The following UNC5D variants were observed in gnomAD, a reference collection of about 807,000 sequenced individuals.
UNC5D encodes the protein netrin receptor UNC5D.
In UNC5D, 39 loss-of-function variants were observed where a neutral mutation model predicts 105.4. The ratio of observed to expected loss-of-function variants is 0.37; its 90% CI spans 0.29 to 0.48. The LOEUF (loss-of-function observed/expected upper bound fraction) is 0.48, where lower values mean the gene tolerates loss of function less well. Among genes scored for constraint, UNC5D ranks in the 20% least tolerant of loss-of-function variants. The probability of loss-of-function intolerance (pLI) is 0.98; values close to 1 mark genes in which losing one functional copy is unlikely to be tolerated. For synonymous variants in UNC5D, 452 were observed against 450.4 expected (o/e 1.00, Z -0.04); for missense variants, 991 against 1,202.4 (o/e 0.82, Z 2.60).
chr8:35,538,293 C>G (rs1814982788), intron 1 of UNC5D, among the ~76,000 whole-genome samples: 1 of 150,282 alleles, frequency 6.7e-6, no homozygotes, highest in African/African-American at 2.4e-5. Context: ...GTGGCAGTCC[C>G]TATAGCTTCT....
At chr8:35,482,156 A>AG (rs1164910601) in intron 1 of UNC5D, among the ~76,000 whole-genome samples, 1 of 152,230 alleles carries the variant, frequency 6.6e-6, no homozygotes, top group African/African-American at 2.4e-5. Context: ...TCTATGGATC[A>AG]GAAGTAATCC....
chr8:35,772,343 A>G (rs1802046081), intron 15 of UNC5D, among the ~76,000 whole-genome samples: 3 of 152,188 alleles, frequency 2.0e-5, no homozygotes, highest in Admixed American at 1.3e-4. Flanking sequence ...ATCATTATCA[A>G]TCATTAATGA....
At chr8:35,375,986 G>A (rs890662957) in intron 1 of UNC5D, among the ~76,000 whole-genome samples, 5 of 152,032 alleles carry the variant, frequency 3.3e-5, no homozygotes, top group African/African-American at 9.7e-5. Flanking sequence ...GTTTCCAGAC[G>A]TTGATTTGGT....
chr8:35,571,814 G>A (rs1817742461), intron 3 of UNC5D, among the ~76,000 whole-genome samples: 1 of 152,150 alleles, frequency 6.6e-6, no homozygotes, highest in African/African-American at 2.4e-5. Flanking sequence ...ACATCTTAAT[G>A]TGCTAAATGA....
In UNC5D at chr8:35,293,210, A is replaced by C. The variant is rs185548500; in HGVS notation, c.103+57323A>C. 3.5e-4 allele frequency among the ~76,000 whole-genome samples: 54 copies of C among 152,276 alleles called. No homozygotes were observed. The East Asian group carries it at 0.01, about 29-fold the overall frequency. On this transcript the variant is annotated intron_variant, in intron 1 of 16. Transcript: ENST00000404895. The stretch of plus-strand genomic sequence containing the variant: ...AGGTAGTGGAAGTAGAAGGGGAGGC[A>C]GGAGAGGCAGGCACATTTGATGTAG...
chr8:35,722,042 A>G (rs913024766), intron 8 of UNC5D, among the ~76,000 whole-genome samples, 168 bp from the exon 9 acceptor site: 1 of 152,244 alleles, frequency 6.6e-6, no homozygotes, highest in African/African-American at 2.4e-5. Context: ...GGCATTTTAG[A>G]AACACGATTA....
chr8:35,671,252 G>A (rs1563651427), intron 4 of UNC5D, among the ~76,000 whole-genome samples: 1 of 152,118 alleles, frequency 6.6e-6, no homozygotes, highest in Non-Finnish European at 1.5e-5. Flanking sequence ...TAATATAAAT[G>A]TATAATCTCA....
At chr8:35,439,539 A>G (rs1057322136) in intron 1 of UNC5D, among the ~76,000 whole-genome samples, 3 of 152,080 alleles carry the variant, frequency 2.0e-5, no homozygotes, top group Admixed American at 2.0e-4. Flanking sequence ...TGTTTGTGAC[A>G]TCGTGAATTC....
intron 1 of UNC5D, among the ~76,000 whole-genome samples, chr8:35,466,975 T>A (rs537464649): frequency 7.8e-4 from 119 of 152,290 alleles, no homozygotes; most frequent in Middle Eastern, 3.4e-3. Context: ...CAACTTAATT[T>A]TACTTTTTCT....
At chr8:35,399,851 G>A (rs1251770769) in intron 1 of UNC5D, among the ~76,000 whole-genome samples, 2 of 152,088 alleles carry the variant, frequency 1.3e-5, no homozygotes, top group East Asian at 3.9e-4. Flanking sequence ...TGAAGCCCCT[G>A]TGGCCAAGTA....
At chr8:35,644,918 TATTG>T (rs1391066215) in intron 4 of UNC5D, among the ~76,000 whole-genome samples, 1 of 152,144 alleles carries the variant, frequency 6.6e-6, no homozygotes, top group Non-Finnish European at 1.5e-5. Context: ...AGAATTCTGA[TATTG>T]ATTCTTTTAT....
intron 1 of UNC5D, among the ~76,000 whole-genome samples, chr8:35,266,427 T>C (rs940684198): frequency 6.6e-5 from 10 of 152,206 alleles, no homozygotes; most frequent in African/African-American, 2.4e-4. Flanking sequence ...TAGAACAAAC[T>C]AGTCATGGGA....
chr8:35,246,155 A>G (rs920849931), intron 1 of UNC5D, among the ~76,000 whole-genome samples: 8 of 152,108 alleles, frequency 5.3e-5, no homozygotes, highest in African/African-American at 1.7e-4. Flanking sequence ...GCAGTGACTA[A>G]ATTGTCATTA....
At chr8:35,538,725 G>C (rs1815052340) in intron 1 of UNC5D, among the ~76,000 whole-genome samples, 1 of 151,878 alleles carries the variant, frequency 6.6e-6, no homozygotes, top group Admixed American at 6.6e-5. Flanking sequence ...ATTCGATATA[G>C]GGGCTGAATG....
chr8:35,262,238 C>T (rs1220332179), intron 1 of UNC5D, among the ~76,000 whole-genome samples: 1 of 152,176 alleles, frequency 6.6e-6, no homozygotes, highest in Non-Finnish European at 1.5e-5. Context: ...AAGAGCTTCT[C>T]CAATAAGAGT....
At chr8:35,443,634 G>A (rs1227405757) in intron 1 of UNC5D, among the ~76,000 whole-genome samples, 3 of 151,830 alleles carry the variant, frequency 2.0e-5, no homozygotes, top group South Asian at 2.1e-4. Context: ...ATTTCAGATC[G>A]TTGCCTGCCA....
rs554305515 is a variant in UNC5D, at chr8:35,277,632, C to T, written c.103+41745C>T. Among the ~76,000 whole-genome samples, 7 of 152,302 alleles carry T rather than the reference C, an allele frequency of 4.6e-5. 1 individual carries two copies. In the South Asian group the frequency reaches 1.5e-3, roughly 32 times the overall value. ...TGCCGCTCACGGCCCTCATTGTTGT[C>T]TCTCATTATGTGAGCTGGGCTTTCT... is the stretch of plus-strand genomic sequence containing the variant. On this transcript the variant is annotated intron_variant, in intron 1 of 16. Coordinates refer to ENST00000404895, the MANE Select transcript of UNC5D (RefSeq NM_080872.4).
chr8:35,476,054 A>G (rs1810070840), intron 1 of UNC5D, among the ~76,000 whole-genome samples: 1 of 152,202 alleles, frequency 6.6e-6, no homozygotes, highest in Non-Finnish European at 1.5e-5. Context: ...ACACAAAAAG[A>G]TCTCAATTAA....
At chr8:35,241,413 A>G in intron 1 of UNC5D, among the ~76,000 whole-genome samples, 1 of 152,132 alleles carries the variant, frequency 6.6e-6, no homozygotes, top group East Asian at 1.9e-4. Context: ...CTGTGTAAGT[A>G]TTTTGTGCTC....
Sources: allele counts gnomAD v4.1 joint callset (sites outside exome capture counted in the v4.1 genomes callset), GRCh38; gene constraint gnomAD v4.1.1; transcripts MANE v1.5; gene names NCBI Gene and HGNC (gene_info 2026-07-23, HGNC 2026-07-21).